The following GALNT13 variants were observed in gnomAD, a reference collection of about 807,000 sequenced individuals.
GALNT13 encodes the protein polypeptide N-acetylgalactosaminyltransferase 13, also known as UDP-GalNAc:polypeptide N-acetylgalactosaminyltransferase 13.
Under a neutral mutation model 64.2 loss-of-function variants are expected in GALNT13, and 28 were observed. The observed-to-expected ratio is 0.44, with a 90% CI of 0.32 to 0.60. The LOEUF (loss-of-function observed/expected upper bound fraction) is 0.60. GALNT13 is among the 20% of genes least tolerant of loss of function. The pLI, the probability that GALNT13 is intolerant of heterozygous loss-of-function variation, is 0.05. For synonymous variants in GALNT13, 214 were observed against 224.6 expected, an observed-to-expected ratio of 0.95 and a Z score of 0.42; for missense variants, 577 against 669.8, an observed-to-expected ratio of 0.86 and a Z score of 1.53.
At chr2:153,258,058 A>G in the GALNT13 span, among the ~76,000 whole-genome samples, 2 of 152,190 alleles carry the variant, frequency 1.3e-5, no homozygotes, top group Non-Finnish European at 2.9e-5. Context: ...ACTCATAGGT[A>G]TTTGAGGGTA....
chr2:153,347,054 G>A, the GALNT13 span, among the ~76,000 whole-genome samples: 3 of 152,158 alleles, frequency 2.0e-5, no homozygotes, highest in South Asian at 2.1e-4. Context: ...TTGTCATAGC[G>A]GTTTTATTTG....
chr2:153,403,826 T>C, the GALNT13 span, among the ~76,000 whole-genome samples: 2 of 152,166 alleles, frequency 1.3e-5, no homozygotes, highest in African/African-American at 4.8e-5. Flanking sequence ...GCGCCCACTG[T>C]CTGGCACTCC....
intron 9 of GALNT13, among the ~76,000 whole-genome samples, chr2:154,362,236 TACCCCC>T (rs1171189642): frequency 6.6e-6 from 1 of 151,650 alleles, no homozygotes; most frequent in Non-Finnish European, 1.5e-5. Context: ...TCACAAATTC[TACCCCC>T]ACCCCCACCC....
chr2:154,154,692 A>G (rs2105640107), intron 4 of GALNT13, among the ~76,000 whole-genome samples: 1 of 152,224 alleles, frequency 6.6e-6, no homozygotes, highest in Middle Eastern at 3.4e-3. Flanking sequence ...CACCAAACTT[A>G]AGATAGCTTC....
intron 4 of GALNT13, among the ~76,000 whole-genome samples, chr2:154,232,331 A>G (rs1688960199): frequency 6.6e-6 from 1 of 152,052 alleles, no homozygotes; most frequent in Admixed American, 6.6e-5. Flanking sequence ...TGCTTCTCTC[A>G]TAGTGTCCAT....
intron 3 of GALNT13, among the ~76,000 whole-genome samples, chr2:154,042,855 G>A (rs1574398115): frequency 6.6e-6 from 1 of 151,842 alleles, no homozygotes; most frequent in Non-Finnish European, 1.5e-5. Context: ...GAGACATACT[G>A]TTTGCCCCGG....
the GALNT13 span, among the ~76,000 whole-genome samples, chr2:153,297,319 C>A: frequency 3.9e-5 from 6 of 151,992 alleles, no homozygotes; most frequent in African/African-American, 1.2e-4. Context: ...AAATGTCAAC[C>A]CAAAAGAGAT....
the GALNT13 span, among the ~76,000 whole-genome samples, chr2:153,090,025 C>T: frequency 6.6e-6 from 1 of 151,932 alleles, no homozygotes; most frequent in African/African-American, 2.4e-5. Context: ...TTTCATATTA[C>T]CAGAATTACT....
intron 3 of GALNT13, among the ~76,000 whole-genome samples, chr2:154,086,539 A>T (rs757065330): frequency 3.3e-5 from 5 of 151,504 alleles, no homozygotes; most frequent in African/African-American, 4.8e-5. Flanking sequence ...ATCCATTTGC[A>T]TAAAGTTTTG....
chr2:153,706,059 C>T, the GALNT13 span, among the ~76,000 whole-genome samples: 6 of 151,902 alleles, frequency 3.9e-5, no homozygotes, highest in East Asian at 7.8e-4. Flanking sequence ...TGCAGTGGTG[C>T]GATCTTGGCT....
At chr2:154,421,405 G>A (rs1442992753) in intron 11 of GALNT13, among the ~76,000 whole-genome samples, 1 of 151,972 alleles carries the variant, frequency 6.6e-6, no homozygotes, top group Non-Finnish European at 1.5e-5. Context: ...GTCATTTAAA[G>A]TTAACTATAT....
chr2:153,632,797 G>T, the GALNT13 span, among the ~76,000 whole-genome samples: 1 of 151,730 alleles, frequency 6.6e-6, no homozygotes, highest in African/African-American at 2.4e-5. Flanking sequence ...TTTTTGCCCA[G>T]GCTAGAGTGA....
At chr2:153,417,685 A>G in the GALNT13 span, among the ~76,000 whole-genome samples, 5 of 152,214 alleles carry the variant, frequency 3.3e-5, no homozygotes, top group Non-Finnish European at 1.5e-5. Flanking sequence ...CTTTTAGAGA[A>G]TAAGCTTTTC....
chr2:154,328,294 T>A (rs1471255298), intron 9 of GALNT13, among the ~76,000 whole-genome samples: 1 of 152,138 alleles, frequency 6.6e-6, no homozygotes, highest in East Asian at 1.9e-4. Flanking sequence ...TTTTGATCTT[T>A]TATATAACTG....
chr2:153,546,906 A>G, the GALNT13 span, among the ~76,000 whole-genome samples: 1 of 152,242 alleles, frequency 6.6e-6, no homozygotes, highest in Non-Finnish European at 1.5e-5. Flanking sequence ...AACAATTTCT[A>G]TTCTGAGAGA....
At chr2:154,186,534 A>G (rs569363487) in intron 4 of GALNT13, among the ~76,000 whole-genome samples, 34 of 152,234 alleles carry the variant, frequency 2.2e-4, no homozygotes, top group African/African-American at 8.2e-4. Flanking sequence ...GAGGCCAGCA[A>G]CTTACCTACC....
chr2:153,980,617 C>T (rs766900325), intron 3 of GALNT13, among the ~76,000 whole-genome samples: 10 of 152,016 alleles, frequency 6.6e-5, no homozygotes, highest in Non-Finnish European at 1.2e-4. Context: ...TTTAGAGATT[C>T]ATGTAAGAGT....
chr2:153,275,942 A>G, the GALNT13 span, among the ~76,000 whole-genome samples: 4 of 152,196 alleles, frequency 2.6e-5, no homozygotes, highest in Non-Finnish European at 4.4e-5. Context: ...AATTGCCTGC[A>G]TCACCACCAA....
chr2:154,230,208 G>C (rs1266378656), intron 4 of GALNT13, among the ~76,000 whole-genome samples: 2 of 152,060 alleles, frequency 1.3e-5, no homozygotes, highest in Admixed American at 6.6e-5. Flanking sequence ...CCAGAGTCCA[G>C]ACCTGCTGAT....
Sources: allele counts gnomAD v4.1 joint callset (sites outside exome capture counted in the v4.1 genomes callset), GRCh38; gene constraint gnomAD v4.1.1; transcripts MANE v1.5; gene names NCBI Gene and HGNC (gene_info 2026-07-23, HGNC 2026-07-21).